The following VAPA variants were observed in gnomAD, a reference collection of about 807,000 sequenced individuals.
VAPA encodes vesicle-associated membrane protein-associated protein A.
In VAPA, 6 loss-of-function variants were observed where a neutral mutation model predicts 25.6. The observed-to-expected ratio is 0.23, with a 90% CI of 0.13 to 0.46. The LOEUF (loss-of-function observed/expected upper bound fraction) is 0.46, where lower values mean the gene tolerates loss of function less well. Ranked by LOEUF, VAPA falls within the 20% of genes least tolerant of loss-of-function variation. The pLI is 0.99. For missense variants in VAPA, 244 were observed against 302.1 expected, an observed-to-expected ratio of 0.81 and a Z score of 1.43; for synonymous variants, 112 against 106.2, an observed-to-expected ratio of 1.05 and a Z score of -0.34.
At chr18:9,936,932 T>G in intron 3 of VAPA, 54 bp from the exon 4 acceptor site, 1 of 1,536,102 alleles carries the variant, frequency 6.5e-7, no homozygotes, top group Non-Finnish European at 9.0e-7. Context: ...AGGTGAAACT[T>G]ACTTACCATG....
At chr18:9,953,517 G>A (rs763662703) in intron 5 of VAPA, among the ~76,000 whole-genome samples, 6 of 152,022 alleles carry the variant, frequency 3.9e-5, no homozygotes, top group Admixed American at 1.3e-4. Context: ...CTCTGTTTAC[G>A]GCAAGAACAC....
chr18:9,951,960 C>T (rs947917253), intron 5 of VAPA, among the ~76,000 whole-genome samples: 3 of 152,210 alleles, frequency 2.0e-5, no homozygotes, highest in African/African-American at 4.8e-5. Flanking sequence ...CACACCTACA[C>T]GCCATGGATC....
chr18:9,937,162 T>A, intron 4 of VAPA, 96 bp downstream of exon 4: 1 of 912,096 alleles, frequency 1.1e-6, no homozygotes, highest in Non-Finnish European at 1.7e-6. Flanking sequence ...GTATGTGTGA[T>A]ATGGCTATTA....
In VAPA at chr18:9,957,991, A is replaced by G. The variant is rs964442548; in HGVS notation, c.*3780A>G. 2 of 152,230 alleles carry G rather than the reference A, an allele frequency of 1.3e-5. No individual in the cohort carries two copies. The highest frequency in any genetic ancestry group is 2.9e-5 in the Non-Finnish European group (2 of 68,046). The allele number at this position is 152,230 out of a possible 1,614,324, so 9.4% of individuals were successfully genotyped here. ...CGTGGGTTGGTGCAAAGAAGTATAA[A>G]CATATATCACTAAGGAAAAAGAAAG... On this transcript the variant is annotated 3_prime_UTR_variant, in exon 6 of 6. Transcript: ENST00000400000.
intron 1 of VAPA, among the ~76,000 whole-genome samples, chr18:9,925,769 C>A (rs1008333263): frequency 6.7e-6 from 1 of 149,882 alleles, no homozygotes; most frequent in Non-Finnish European, 1.5e-5. Context: ...ATACTTATTT[C>A]AGGAAGTGTT....
At chr18:9,932,162 C>T (rs2069261979) in intron 2 of VAPA, among the ~76,000 whole-genome samples, 200 bp downstream of exon 2, 1 of 152,104 alleles carries the variant, frequency 6.6e-6, no homozygotes, top group Non-Finnish European at 1.5e-5. Context: ...GGAGTGTGGT[C>T]AGTTTATAAG....
At chr18:9,953,341 A>G (rs1381649701) in intron 5 of VAPA, among the ~76,000 whole-genome samples, 1 of 152,172 alleles carries the variant, frequency 6.6e-6, no homozygotes, top group African/African-American at 2.4e-5. Flanking sequence ...TTTCTCATCT[A>G]AATTTGTAGT....
At chr18:9,940,054 C>G (rs532431056) in intron 4 of VAPA, among the ~76,000 whole-genome samples, 2 of 152,124 alleles carry the variant, frequency 1.3e-5, no homozygotes, top group Admixed American at 6.5e-5. Flanking sequence ...GAACAAATGC[C>G]AAAGTTTCTC....
rs2069575582 is a variant in VAPA at position 9,958,659 on chromosome 18, C to T, written c.*4448C>T. 6.6e-6 allele frequency: 1 copy of T among 151,932 alleles called. No individual in the cohort carries two copies. The highest frequency in any genetic ancestry group is 1.9e-4 in the East Asian group (1 of 5,190). 9.4% of individuals were successfully genotyped at this position (151,932 alleles called of 1,614,324 possible). ...TATGTAGGTTTTTAAATGCCAAAGG[C>T]AGATATGAAGTAGATTTAATTAAGA... On this transcript the variant is annotated 3_prime_UTR_variant, in exon 6 of 6. Coordinates refer to ENST00000400000, the MANE Select transcript of VAPA (RefSeq NM_194434.3).
Position 9,939,234 on chromosome 18 carries a change from C to T in VAPA, c.417+2168C>T, listed in dbSNP as rs1052099643. Among the ~76,000 whole-genome samples the T allele has an allele frequency of 6.0e-5, 9 of 150,332 alleles. No homozygotes were observed. In the East Asian group the frequency reaches 1.4e-3, roughly 23 times the overall value. The stretch of plus-strand genomic sequence containing the variant: ...TTGCTCAGGCTGGAGTGCAGTGGCA[C>T]GATCTTGGCTCACTGCAACCTCTGC... On this transcript the variant is annotated intron_variant, in intron 4 of 5. Transcript: ENST00000400000.
intron 4 of VAPA, chr18:9,945,199 A>C (rs1210236066): frequency 9.7e-7 from 1 of 1,031,360 alleles, no homozygotes; most frequent in Non-Finnish European, 1.4e-6. Flanking sequence ...TTACAATAAA[A>C]CTACAAAGCA....
At chr18:9,932,786 A>AGCATGAC (rs2069269095) in intron 2 of VAPA, among the ~76,000 whole-genome samples, 1 of 152,186 alleles carries the variant, frequency 6.6e-6, no homozygotes, top group Non-Finnish European at 1.5e-5. Context: ...TCTCTCCCAG[A>AGCATGAC]TTGGAATCTC....
intron 1 of VAPA, among the ~76,000 whole-genome samples, chr18:9,928,941 A>G (rs897686663): frequency 2.0e-5 from 3 of 152,322 alleles, no homozygotes; most frequent in Non-Finnish European, 4.4e-5. Context: ...AAAGGGCAAA[A>G]TAAGAATATG....
Position 9,954,327 on chromosome 18 carries a change from C to A in VAPA, c.*116C>A. 1 of 881,462 alleles carries A rather than the reference C, an allele frequency of 1.1e-6. No individual in the cohort carries two copies. The highest frequency in any genetic ancestry group is 1.8e-6 in the Non-Finnish European group (1 of 569,298). The allele number at this position is 881,462 out of a possible 1,614,324, so 54.6% of individuals were successfully genotyped here. A position where few individuals can be genotyped will look rare whatever the true frequency, so the allele number is the denominator to read the frequency against. On this transcript the variant is annotated 3_prime_UTR_variant, in exon 6 of 6. Transcript: ENST00000400000. ...CACGGTGACCATTTTTTTGTGTGTA[C>A]AGCGTCATATAGGCTTTGCCTTTAA...
intron 1 of VAPA, among the ~76,000 whole-genome samples, chr18:9,917,930 T>C (rs548345593): frequency 1.3e-5 from 2 of 152,316 alleles, no homozygotes; most frequent in Admixed American, 6.5e-5. Context: ...GACATGAATG[T>C]AATCTTTAAT....
At chr18:9,945,192 CAAT>C in intron 4 of VAPA, 1 of 1,078,498 alleles carries the variant, frequency 9.3e-7, no homozygotes, top group African/African-American at 1.6e-5. Context: ...CCTAAAATTA[CAAT>C]AAAACTACAA....
At chr18:9,916,148 A>G (rs2069110175) in intron 1 of VAPA, among the ~76,000 whole-genome samples, 1 of 152,176 alleles carries the variant, frequency 6.6e-6, no homozygotes, top group Admixed American at 6.5e-5. Flanking sequence ...CTCCTTAGGG[A>G]AGTTGTTATG....
Position 9,957,800 on chromosome 18 carries a change from C to G in VAPA, c.*3589C>G, listed in dbSNP as rs1167123005. 6.6e-6 allele frequency: 1 copy of G among 152,194 alleles called. No individual in the cohort carries two copies. Among genetic ancestry groups the G allele is most frequent in the African/African-American group, 2.4e-5 (1 of 41,442 alleles). The allele number at this position is 152,194 out of a possible 1,614,324, so 9.4% of individuals were successfully genotyped here. On this transcript the variant is annotated 3_prime_UTR_variant, in exon 6 of 6. Transcript: ENST00000400000. ...ATAGCTAATCACTGGGACTTGAATTCTGATGGCAGATAGTCTCTTGCTTAG... is the reference window on the plus strand; with the variant it reads ...ATAGCTAATCACTGGGACTTGAATTGTGATGGCAGATAGTCTCTTGCTTAG...
intron 4 of VAPA, chr18:9,945,000 G>C: frequency 6.2e-7 from 1 of 1,614,158 alleles, no homozygotes; most frequent in Non-Finnish European, 8.5e-7. Flanking sequence ...ACACCTGCCA[G>C]TTATCACACG....
Sources: allele counts gnomAD v4.1 joint callset (sites outside exome capture counted in the v4.1 genomes callset), GRCh38; gene constraint gnomAD v4.1.1; transcripts MANE v1.5; gene names NCBI Gene and HGNC (gene_info 2026-07-23, HGNC 2026-07-21).